The following INPP4B variants were observed in gnomAD, a reference collection of about 807,000 sequenced individuals.
The protein encoded by INPP4B is inositol polyphosphate-4-phosphatase type II B.
INPP4B carries 55 observed loss-of-function variants against 122.5 expected under a neutral mutation model. The observed-to-expected ratio is 0.45, with a 90% CI of 0.36 to 0.56. The LOEUF is 0.56. Among genes scored for constraint, INPP4B ranks in the 20% least tolerant of loss-of-function variants. The pLI, the probability that INPP4B is intolerant of heterozygous loss-of-function variation, is 0.00. For missense variants in INPP4B, 1,000 were observed against 1,097.7 expected (o/e 0.91, Z 1.26); for synonymous variants, 403 against 388.7 (o/e 1.04, Z -0.43).
chr4:142,108,048 A>G, intron 23 of INPP4B, 45 bp downstream of exon 23: 1 of 986,368 alleles, frequency 1.0e-6, no homozygotes, highest in East Asian at 2.4e-5. Flanking sequence ...AAAGATTTAT[A>G]ATCAAGAAGC....
At position 142,540,696 on chromosome 4, in the gene INPP4B, A is replaced by T. The variant is rs376258959; in HGVS notation, c.-190-77970T>A. Among the ~76,000 whole-genome samples, 8 of 152,178 alleles carry T rather than the reference A, an allele frequency of 5.3e-5. 1 individual carries two copies. Among genetic ancestry groups the T allele is most frequent in the East Asian group, 3.8e-4 (2 of 5,196 alleles). On this transcript the variant is annotated intron_variant, in intron 2 of 25. Coordinates refer to ENST00000262992, the MANE Select transcript of INPP4B (RefSeq NM_001101669.3). ...TTGTGCTACGAATATTCTAGGAATC[A>T]TGCATAGTGCTTTAAATACATCATT...
chr4:142,295,119 G>A (rs1422517860), intron 9 of INPP4B, among the ~76,000 whole-genome samples: 1 of 152,104 alleles, frequency 6.6e-6, no homozygotes, highest in East Asian at 1.9e-4. Flanking sequence ...CAAACAAAAG[G>A]CAGAGCTTTC....
intron 7 of INPP4B, among the ~76,000 whole-genome samples, chr4:142,346,478 G>A (rs1270107374): frequency 6.6e-6 from 1 of 151,980 alleles, no homozygotes. Flanking sequence ...TATTGATAAT[G>A]TGGAAAAAGA....
intron 1 of INPP4B, among the ~76,000 whole-genome samples, chr4:142,761,604 C>A (rs946074155): frequency 6.6e-6 from 1 of 152,014 alleles, no homozygotes; most frequent in African/African-American, 2.4e-5. Context: ...TTTTAAAGCC[C>A]AACCTATAAT....
intron 1 of INPP4B, among the ~76,000 whole-genome samples, chr4:142,760,767 C>T (rs1241557414): frequency 6.6e-6 from 1 of 152,132 alleles, no homozygotes; most frequent in African/African-American, 2.4e-5. Context: ...TTCTCTTTTG[C>T]CTTTGGCCTA....
At chr4:142,563,026 C>T (rs1329950096) in intron 2 of INPP4B, among the ~76,000 whole-genome samples, 5 of 152,160 alleles carry the variant, frequency 3.3e-5, no homozygotes, top group Non-Finnish European at 7.3e-5. Context: ...AAGGGACATG[C>T]CCCTAAGATG....
At chr4:142,062,113 CACAGAGATCT>C (rs1485208951) in intron 25 of INPP4B, among the ~76,000 whole-genome samples, 1 of 152,052 alleles carries the variant, frequency 6.6e-6, no homozygotes, top group Non-Finnish European at 1.5e-5. Flanking sequence ...TTTCCTCAAA[CACAGAGATCT>C]AAGCTTGCTC....
intron 2 of INPP4B, among the ~76,000 whole-genome samples, chr4:142,673,567 G>T (rs1179690890): frequency 2.0e-5 from 3 of 152,102 alleles, no homozygotes; most frequent in Non-Finnish European, 4.4e-5. Context: ...ATACACAAGT[G>T]CAGTAGTGTA....
chr4:142,191,434 A>C (rs1285434650), intron 15 of INPP4B, among the ~76,000 whole-genome samples: 2 of 152,206 alleles, frequency 1.3e-5, no homozygotes, highest in Non-Finnish European at 2.9e-5. Flanking sequence ...GTAGGGAATC[A>C]GTGAGAAACA....
intron 14 of INPP4B, among the ~76,000 whole-genome samples, chr4:142,204,106 A>T (rs1043463011): frequency 6.6e-6 from 1 of 152,128 alleles, no homozygotes; most frequent in African/African-American, 2.4e-5. Flanking sequence ...AGAGAGGTCA[A>T]ATAACATGGT....
At chr4:142,472,088 A>T (rs541682712) in intron 2 of INPP4B, among the ~76,000 whole-genome samples, 1 of 152,242 alleles carries the variant, frequency 6.6e-6, no homozygotes, top group East Asian at 1.9e-4. Context: ...GCTGGAGTAT[A>T]CCTGACTGTA....
chr4:142,509,185 C>T (rs1305259660), intron 2 of INPP4B, among the ~76,000 whole-genome samples: 2 of 152,176 alleles, frequency 1.3e-5, no homozygotes, highest in African/African-American at 2.4e-5. Flanking sequence ...TGACACCGTG[C>T]GGGTTCTGTC....
At chr4:142,256,645 A>G (rs1235648012) in intron 11 of INPP4B, among the ~76,000 whole-genome samples, 7 of 152,208 alleles carry the variant, frequency 4.6e-5, no homozygotes, top group African/African-American at 1.2e-4. Flanking sequence ...CTCTCCCAAG[A>G]CTAAACCAGG....
At position 142,177,594 on chromosome 4, in the gene INPP4B, A is replaced by G. The variant is rs1579182655; in HGVS notation, c.1182-3785T>C. ...AATGAAAATTGAAATTAGTTTCATA[A>G]TATTTTTCTATTGAGAGAGTGAATT... On this transcript the variant is annotated intron_variant, in intron 15 of 25. Coordinates refer to ENST00000262992, the MANE Select transcript of INPP4B (RefSeq NM_001101669.3). 2.6e-5 allele frequency among the ~76,000 whole-genome samples: 4 copies of G among 152,186 alleles called. No individual in the cohort carries two copies. In the South Asian group the frequency reaches 8.3e-4, roughly 32 times the overall value.
chr4:142,645,466 T>C (rs1450905992), intron 2 of INPP4B, among the ~76,000 whole-genome samples: 1 of 152,332 alleles, frequency 6.6e-6, no homozygotes, highest in South Asian at 2.1e-4. Context: ...AATAAGTCTA[T>C]ATTTCTCACT....
intron 9 of INPP4B, among the ~76,000 whole-genome samples, chr4:142,289,311 C>T (rs1755315022): frequency 6.6e-6 from 1 of 152,164 alleles, no homozygotes; most frequent in South Asian, 2.1e-4. Context: ...TTAATTCATT[C>T]TTACAAACTT....
chr4:142,462,694 C>T lies in INPP4B; in HGVS notation c.-158G>A, dbSNP rs1296570799. On this transcript the variant is annotated 5_prime_UTR_variant, in exon 3 of 26. Coordinates refer to ENST00000262992, the MANE Select transcript of INPP4B (RefSeq NM_001101669.3). The stretch of plus-strand genomic sequence containing the variant: ...TATGTTGTTTTCTTTGACAGAACTG[C>T]TCTTTGATTATTGTTTCGCTGGTTT... The T allele has an allele frequency of 6.6e-6, 1 of 152,166 alleles. No individual in the cohort carries two copies. Among genetic ancestry groups the T allele is most frequent in the East Asian group, 1.9e-4 (1 of 5,198 alleles). 9.4% of individuals were successfully genotyped at this position (152,166 alleles called of 1,614,324 possible).
chr4:142,434,952 G>A (rs1298304165), intron 3 of INPP4B, among the ~76,000 whole-genome samples: 1 of 152,068 alleles, frequency 6.6e-6, no homozygotes, highest in Non-Finnish European at 1.5e-5. Context: ...ATTTGTGTTG[G>A]GCCACATTCA....
intron 5 of INPP4B, among the ~76,000 whole-genome samples, chr4:142,407,187 T>C (rs577036976): frequency 6.6e-6 from 1 of 152,376 alleles, no homozygotes; most frequent in East Asian, 1.9e-4. Flanking sequence ...TTATTGCTCA[T>C]AAAATTCAAC....
Sources: gnomAD v4.1 joint callset for allele counts (sites outside exome capture counted in the v4.1 genomes callset) on GRCh38, gnomAD v4.1.1 for gene constraint, MANE v1.5 for transcripts, NCBI Gene and HGNC (gene_info 2026-07-23, HGNC 2026-07-21) for gene names.